GALNT17: variants seen among roughly 807,000 people sequenced by gnomAD.
GALNT17 encodes the protein UDP-GalNAc:polypeptide N-acetylgalactosaminyltransferase-like 3.
GALNT17 carries 29 observed loss-of-function variants against 63.7 expected under a neutral mutation model. The ratio of observed to expected loss-of-function variants is 0.46; its 90% confidence interval spans 0.34 to 0.62. The LOEUF (loss-of-function observed/expected upper bound fraction) is 0.62, where lower values mean the gene tolerates loss of function less well. Among genes scored for constraint, GALNT17 ranks in the 20% least tolerant of loss-of-function variants. GALNT17 has a pLI of 0.01. For synonymous variants in GALNT17, 305 were observed against 318.3 expected (o/e 0.96, Z 0.45); for missense variants, 603 against 799.6 (o/e 0.75, Z 2.97).
intron 1 of GALNT17, among the ~76,000 whole-genome samples, chr7:71,312,032 C>G (rs1454828115): frequency 6.6e-6 from 1 of 152,322 alleles, no homozygotes; most frequent in African/African-American, 2.4e-5. Context: ...ATAGCAACAC[C>G]AGGCAGTTAC....
At chr7:71,472,244 C>T (rs770235745) in intron 5 of GALNT17, among the ~76,000 whole-genome samples, 1 of 152,156 alleles carries the variant, frequency 6.6e-6, no homozygotes, top group Non-Finnish European at 1.5e-5. Context: ...AAGGCTCCAC[C>T]TCCTAAAACC....
At chr7:71,357,627 C>T (rs1350063242) in intron 2 of GALNT17, among the ~76,000 whole-genome samples, 2 of 152,158 alleles carry the variant, frequency 1.3e-5, no homozygotes, top group African/African-American at 4.8e-5. Context: ...AAAGTCCCGT[C>T]TTTGGCTAGG....
At chr7:71,696,176 A>C (rs955238263) in intron 9 of GALNT17, among the ~76,000 whole-genome samples, 1 of 152,146 alleles carries the variant, frequency 6.6e-6, no homozygotes. Context: ...GCAGTGGTGC[A>C]GTCATAGTTC....
At chr7:71,239,445 C>G (rs1789955185) in intron 1 of GALNT17, among the ~76,000 whole-genome samples, 1 of 152,160 alleles carries the variant, frequency 6.6e-6, no homozygotes, top group South Asian at 2.1e-4. Flanking sequence ...GCACCCCAGC[C>G]TAGACAACAG....
chr7:71,267,323 G>T (rs557647075), intron 1 of GALNT17, among the ~76,000 whole-genome samples: 4 of 152,250 alleles, frequency 2.6e-5, no homozygotes, highest in African/African-American at 9.6e-5. Flanking sequence ...TGAGCCTTGG[G>T]GTTGAGTAGT....
intron 2 of GALNT17, among the ~76,000 whole-genome samples, chr7:71,378,167 A>T (rs1563048809): frequency 6.6e-6 from 1 of 152,192 alleles, no homozygotes; most frequent in African/African-American, 2.4e-5. Context: ...TTTGTACGGG[A>T]GACTGCTCTG....
chr7:71,241,230 T>G (rs566042465), intron 1 of GALNT17, among the ~76,000 whole-genome samples: 1 of 152,324 alleles, frequency 6.6e-6, no homozygotes, highest in South Asian at 2.1e-4. Context: ...TCCTCCCTGG[T>G]TTGGCGGATC....
At chr7:71,187,688 G>C (rs998032974) in intron 1 of GALNT17, among the ~76,000 whole-genome samples, 11 of 152,128 alleles carry the variant, frequency 7.2e-5, no homozygotes, top group Non-Finnish European at 1.3e-4. Flanking sequence ...CTGTGTGGGG[G>C]AATGGCTGAG....
intron 1 of GALNT17, among the ~76,000 whole-genome samples, chr7:71,134,385 G>A (rs149886576): frequency 2.3e-4 from 35 of 152,286 alleles, no homozygotes; most frequent in African/African-American, 7.2e-4. Context: ...TCTTCACTGT[G>A]GTGGCAAGGG....
At chr7:71,644,135 G>T (rs1179516234) in intron 6 of GALNT17, among the ~76,000 whole-genome samples, 1 of 152,090 alleles carries the variant, frequency 6.6e-6, no homozygotes, top group Non-Finnish European at 1.5e-5. Flanking sequence ...GGGAGCAGTG[G>T]CTCCTTTCTG....
At chr7:71,303,730 C>T (rs1463579169) in intron 1 of GALNT17, among the ~76,000 whole-genome samples, 1 of 151,922 alleles carries the variant, frequency 6.6e-6, no homozygotes, top group African/African-American at 2.4e-5. Flanking sequence ...GTGGGCTGGA[C>T]TCCCCTCTAA....
chr7:71,202,191 G>C (rs991093532), intron 1 of GALNT17, among the ~76,000 whole-genome samples: 2 of 151,894 alleles, frequency 1.3e-5, no homozygotes, highest in African/African-American at 4.8e-5. Context: ...AAGTTTTCCA[G>C]GGCAAAAGGA....
At chr7:71,512,115 G>A (rs1040757851) in intron 5 of GALNT17, among the ~76,000 whole-genome samples, 1 of 144,786 alleles carries the variant, frequency 6.9e-6, no homozygotes, top group African/African-American at 2.6e-5. Flanking sequence ...CGATTCTCCC[G>A]CCTCAGCCTC....
chr7:71,591,676 T>G (rs1789803821), intron 6 of GALNT17, among the ~76,000 whole-genome samples: 1 of 151,656 alleles, frequency 6.6e-6, no homozygotes. Flanking sequence ...CGTTTGTTTG[T>G]TTTTGAGACA....
chr7:71,710,317 G>A (rs1019778574), intron 9 of GALNT17, among the ~76,000 whole-genome samples: 1 of 152,156 alleles, frequency 6.6e-6, no homozygotes, highest in Admixed American at 6.5e-5. Flanking sequence ...AGACCAGCCT[G>A]ACCAACATGA....
At chr7:71,340,266 G>A (rs1323343992) in intron 2 of GALNT17, among the ~76,000 whole-genome samples, 5 of 152,168 alleles carry the variant, frequency 3.3e-5, no homozygotes, top group Non-Finnish European at 7.4e-5. Flanking sequence ...GAATATGGGA[G>A]GTTTACTCCC....
chr7:71,512,562 A>G lies in GALNT17; in HGVS notation c.963-58723A>G, dbSNP rs557789518. 1.9e-4 allele frequency among the ~76,000 whole-genome samples: 29 copies of G among 152,332 alleles called. No homozygotes were observed. The South Asian group carries it at 2.1e-3, about 11-fold the overall frequency. On this transcript the variant is annotated intron_variant, in intron 5 of 10. Transcript: ENST00000333538. ...CATGAGCAGAAATGTTCAAGACGGC[A>G]ACGTTGCTTCTCAGCTCTTTCTGTT...
intron 5 of GALNT17, among the ~76,000 whole-genome samples, chr7:71,458,891 A>AG (rs1341890904): frequency 6.6e-6 from 1 of 151,990 alleles, no homozygotes; most frequent in Non-Finnish European, 1.5e-5. Flanking sequence ...GGTACAGGGT[A>AG]GGGGGCGTGG....
intron 1 of GALNT17, among the ~76,000 whole-genome samples, chr7:71,303,514 T>A (rs1158353527): frequency 6.6e-6 from 1 of 152,188 alleles, no homozygotes; most frequent in Admixed American, 6.5e-5. Context: ...TGAGGGCCAT[T>A]TGAATAGACA....
Sources: gnomAD v4.1 joint callset for allele counts (sites outside exome capture counted in the v4.1 genomes callset) on GRCh38, gnomAD v4.1.1 for gene constraint, MANE v1.5 for transcripts, NCBI Gene and HGNC (gene_info 2026-07-23, HGNC 2026-07-21) for gene names.